LHFPL3: variants seen among roughly 807,000 people sequenced by gnomAD.
LHFPL3 encodes LHFPL tetraspan subfamily member 3 protein.
LHFPL3 carries 5 observed loss-of-function variants against 19.3 expected under a neutral mutation model. The ratio of observed to expected loss-of-function variants is 0.26; its 90% CI spans 0.14 to 0.54. The LOEUF is 0.54. Among genes scored for constraint, LHFPL3 ranks in the 20% least tolerant of loss-of-function variants. The pLI, the probability that LHFPL3 is intolerant of heterozygous loss-of-function variation, is 0.94. For missense variants in LHFPL3, 249 were observed against 307.4 expected, an observed-to-expected ratio of 0.81 and a Z score of 1.42; for synonymous variants, 133 against 126.2, an observed-to-expected ratio of 1.05 and a Z score of -0.36.
chr7:104,733,329 A>G (rs1273752718), intron 1 of LHFPL3, among the ~76,000 whole-genome samples: 2 of 152,048 alleles, frequency 1.3e-5, no homozygotes, highest in Admixed American at 6.6e-5. Flanking sequence ...GGGTGTTAAA[A>G]TCTCCCCTTA....
intron 1 of LHFPL3, among the ~76,000 whole-genome samples, chr7:104,608,308 A>G (rs1791144213): frequency 6.6e-6 from 1 of 152,074 alleles, no homozygotes. Context: ...ATGGGATACT[A>G]TGCAGCCATA....
chr7:104,567,265 C>T (rs1790141036), intron 1 of LHFPL3, among the ~76,000 whole-genome samples: 1 of 152,142 alleles, frequency 6.6e-6, no homozygotes, highest in African/African-American at 2.4e-5. Flanking sequence ...TTCAAAAGAA[C>T]ACATGTGCCA....
At chr7:104,885,036 A>G (rs1792123308) in intron 2 of LHFPL3, among the ~76,000 whole-genome samples, 1 of 152,254 alleles carries the variant, frequency 6.6e-6, no homozygotes, top group Non-Finnish European at 1.5e-5. Context: ...CCCCATCCTC[A>G]TAGCACTCAG....
chr7:104,660,258 C>T (rs1294372905), intron 1 of LHFPL3, among the ~76,000 whole-genome samples: 1 of 152,182 alleles, frequency 6.6e-6, no homozygotes. Context: ...GCCTTTGCCT[C>T]CCAAAGTGCT....
At chr7:104,587,788 CCTGA>C (rs1404256034) in intron 1 of LHFPL3, among the ~76,000 whole-genome samples, 1 of 151,880 alleles carries the variant, frequency 6.6e-6, no homozygotes, top group African/African-American at 2.4e-5. Flanking sequence ...CCTGTTGTTT[CCTGA>C]CTTTTTAATG....
At chr7:104,453,812 C>G (rs535425530) in intron 1 of LHFPL3, among the ~76,000 whole-genome samples, 1 of 151,956 alleles carries the variant, frequency 6.6e-6, no homozygotes, top group South Asian at 2.1e-4. Flanking sequence ...GCTGCCTCCC[C>G]CCTGCCCCAC....
intron 1 of LHFPL3, among the ~76,000 whole-genome samples, chr7:104,436,912 G>A (rs1373892703): frequency 3.3e-5 from 5 of 152,122 alleles, no homozygotes; most frequent in Non-Finnish European, 7.3e-5. Context: ...AAAAGTTTGA[G>A]ACTTTTTAGA....
intron 1 of LHFPL3, among the ~76,000 whole-genome samples, chr7:104,734,296 T>A (rs1360732877): frequency 6.6e-6 from 1 of 152,232 alleles, no homozygotes; most frequent in Non-Finnish European, 1.5e-5. Context: ...TTCTCCTGGA[T>A]AATATCCTGC....
chr7:104,850,345 C>T lies in LHFPL3; in HGVS notation c.683-55842C>T, dbSNP rs143257250. ...AAGTAATTGCGGTTTTTGCCGTTAT[C>T]GTTTCTAAGGCTAGCCTTGGGGGAG... On this transcript the variant is annotated intron_variant, in intron 2 of 2. Transcript: ENST00000424859. Among the ~76,000 whole-genome samples, 458 of 152,222 alleles carry T rather than the reference C, an allele frequency of 3.0e-3. 2 individuals are homozygous for T. Among genetic ancestry groups the T allele is most frequent in the African/African-American group, 0.01 (435 of 41,546 alleles).
At position 104,420,554 on chromosome 7, in the gene LHFPL3, A is replaced by ATTTTT. The variant is rs71153195; in HGVS notation, c.445+91349_445+91353dup. On this transcript the variant is annotated intron_variant, in intron 1 of 2. Coordinates refer to ENST00000424859, the MANE Select transcript of LHFPL3 (RefSeq NM_199000.3). ...TTACTGGTGGCCTCCCAAAGGGTGA[A>ATTTTT]TTTTTTTTTTTTTTTTTTTTTTTGA... Among the ~76,000 whole-genome samples, 85 of 112,714 alleles carry ATTTTT rather than the reference A, an allele frequency of 7.5e-4. 2 individuals are homozygous for ATTTTT. The highest frequency in any genetic ancestry group is 1.0e-3 in the Non-Finnish European group (59 of 57,424). 73.9% of individuals were successfully genotyped at this position (112,714 alleles called of 152,430 possible). A position where few individuals can be genotyped will look rare whatever the true frequency, so the allele number is the denominator to read the frequency against.
chr7:104,614,638 C>T (rs568913455), intron 1 of LHFPL3, among the ~76,000 whole-genome samples: 18 of 128,680 alleles, frequency 1.4e-4, no homozygotes, highest in Non-Finnish European at 2.2e-4. Context: ...CTTCTCTTCT[C>T]TTCTCTTCTC....
At chr7:104,408,107 C>T (rs905554406) in intron 1 of LHFPL3, among the ~76,000 whole-genome samples, 1 of 152,162 alleles carries the variant, frequency 6.6e-6, no homozygotes, top group African/African-American at 2.4e-5. Context: ...TGCTTGGCCC[C>T]ATTAACCCAG....
chr7:104,407,623 T>A (rs1364488402), intron 1 of LHFPL3, among the ~76,000 whole-genome samples: 1 of 152,160 alleles, frequency 6.6e-6, no homozygotes, highest in Non-Finnish European at 1.5e-5. Flanking sequence ...GCCATTGCAC[T>A]CCAGCCTGGG....
intron 2 of LHFPL3, among the ~76,000 whole-genome samples, chr7:104,815,556 C>A (rs907795128): frequency 2.6e-5 from 4 of 152,204 alleles, no homozygotes; most frequent in African/African-American, 7.2e-5. Flanking sequence ...TATGGGGGAA[C>A]CTAAATCTGT....
chr7:104,820,473 G>A (rs1244874422), intron 2 of LHFPL3, among the ~76,000 whole-genome samples: 1 of 152,148 alleles, frequency 6.6e-6, no homozygotes, highest in African/African-American at 2.4e-5. Context: ...GGCAAGGGTT[G>A]CAGGCCAGGC....
At chr7:104,636,517 A>C (rs1310557585) in intron 1 of LHFPL3, among the ~76,000 whole-genome samples, 2 of 151,376 alleles carry the variant, frequency 1.3e-5, no homozygotes, top group Non-Finnish European at 3.0e-5. Flanking sequence ...TTTTCCTGAT[A>C]CTCTCCTTCC....
chr7:104,480,753 C>T (rs541080428), intron 1 of LHFPL3, among the ~76,000 whole-genome samples: 1 of 152,274 alleles, frequency 6.6e-6, no homozygotes, highest in African/African-American at 2.4e-5. Flanking sequence ...GTGCATAAAA[C>T]AGGCATTTGG....
intron 1 of LHFPL3, among the ~76,000 whole-genome samples, chr7:104,345,019 A>T (rs1562870328): frequency 6.6e-6 from 1 of 152,230 alleles, no homozygotes; most frequent in Non-Finnish European, 1.5e-5. Context: ...GAGTTATCTC[A>T]TAAAACTGTT....
intron 2 of LHFPL3, among the ~76,000 whole-genome samples, chr7:104,902,229 T>A (rs932032385): frequency 2.6e-5 from 4 of 151,852 alleles, no homozygotes; most frequent in Admixed American, 2.6e-4. Flanking sequence ...AAAAAAATTT[T>A]AAATTAGCTG....
Sources: allele counts gnomAD v4.1 joint callset (sites outside exome capture counted in the v4.1 genomes callset), GRCh38; gene constraint gnomAD v4.1.1; transcripts MANE v1.5; gene names NCBI Gene and HGNC (gene_info 2026-07-23, HGNC 2026-07-21).